WNT7A: variants seen among roughly 807,000 people sequenced by gnomAD.
WNT7A encodes protein Wnt-7a.
Under a neutral mutation model 28.2 loss-of-function variants are expected in WNT7A, and 16 were observed. The ratio of observed to expected loss-of-function variants is 0.57; its 90% CI spans 0.38 to 0.86. The LOEUF is 0.86. Ranked by LOEUF, WNT7A falls within the 40% of genes least tolerant of loss-of-function variation. The probability of loss-of-function intolerance (pLI) is 0.00; values close to 1 mark genes in which losing one functional copy is unlikely to be tolerated. For synonymous variants in WNT7A, 190 were observed against 195.9 expected (o/e 0.97, Z 0.25); for missense variants, 411 against 489.7 (o/e 0.84, Z 1.52).
intron 2 of WNT7A, among the ~76,000 whole-genome samples, chr3:13,872,639 T>G (rs1695043617): frequency 6.6e-6 from 1 of 152,190 alleles, no homozygotes; most frequent in Admixed American, 6.5e-5. Flanking sequence ...AGAATGCCTC[T>G]TGCCACTGGC....
chr3:13,823,955 CTCAGCCT>C (rs1694148956), intron 3 of WNT7A, among the ~76,000 whole-genome samples: 1 of 152,198 alleles, frequency 6.6e-6, no homozygotes, highest in Non-Finnish European at 1.5e-5. Context: ...ATTCTAGCAG[CTCAGCCT>C]CCCCTGTCTT....
chr3:13,843,904 G>T (rs926302745), intron 3 of WNT7A, among the ~76,000 whole-genome samples: 1 of 152,010 alleles, frequency 6.6e-6, no homozygotes, highest in African/African-American at 2.4e-5. Flanking sequence ...CCGCCACCTT[G>T]TCCAGCTAAC....
chr3:13,833,282 G>A (rs780530405), intron 3 of WNT7A, among the ~76,000 whole-genome samples: 2 of 152,028 alleles, frequency 1.3e-5, no homozygotes, highest in Non-Finnish European at 2.9e-5. Flanking sequence ...TCACACACAG[G>A]TGCTTCTCAT....
chr3:13,863,479 G>A (rs1463163024), intron 2 of WNT7A, among the ~76,000 whole-genome samples: 3 of 151,996 alleles, frequency 2.0e-5, no homozygotes, highest in East Asian at 1.9e-4. Context: ...GCGCACGCAC[G>A]CCTGCCTGCC....
intron 3 of WNT7A, among the ~76,000 whole-genome samples, chr3:13,833,572 C>T (rs1390128921): frequency 6.6e-6 from 1 of 152,236 alleles, no homozygotes; most frequent in African/African-American, 2.4e-5. Flanking sequence ...GCAGCCTCTC[C>T]TAGATGCATT....
At chr3:13,828,330 G>A (rs1311630028) in intron 3 of WNT7A, among the ~76,000 whole-genome samples, 1 of 152,198 alleles carries the variant, frequency 6.6e-6, no homozygotes, top group Non-Finnish European at 1.5e-5. Context: ...TAGAGAGGGG[G>A]CAAGGAAGGG....
At chr3:13,836,343 G>C (rs1428900757) in intron 3 of WNT7A, among the ~76,000 whole-genome samples, 1 of 152,168 alleles carries the variant, frequency 6.6e-6, no homozygotes, top group Non-Finnish European at 1.5e-5. Flanking sequence ...GCCTCCAGAT[G>C]GGCACAGCAG....
intron 2 of WNT7A, among the ~76,000 whole-genome samples, chr3:13,857,955 G>A (rs758460394): frequency 1.3e-5 from 2 of 152,174 alleles, no homozygotes; most frequent in African/African-American, 4.8e-5. Flanking sequence ...GGCCCCAAAT[G>A]CTCCAATTAT....
chr3:13,819,343 T>A lies in WNT7A; in HGVS notation c.651A>T (p.Thr217=), dbSNP rs1694073430. 1 of 1,613,186 alleles carries A rather than the reference T, an allele frequency of 6.2e-7. No individual in the cohort carries two copies. The highest frequency in any genetic ancestry group is 8.5e-7 in the Non-Finnish European group (1 of 1,179,508). The change falls in exon 4 of 4, where the codon ACA becomes ACT. Residue 217 remains threonine (T), a synonymous_variant. Transcript: ENST00000285018. ...GSCTTKTCWT[T]LPQFRELGYV... ...AGCCCAGCTCCCGAAACTGTGGCAG[T>A]GTGGTCCAGCACGTCTTGGTGGTGC...
At chr3:13,850,942 G>C (rs1369134873) in intron 3 of WNT7A, among the ~76,000 whole-genome samples, 1 of 151,796 alleles carries the variant, frequency 6.6e-6, no homozygotes, top group Admixed American at 6.6e-5. Context: ...TAGCCCTCCC[G>C]TCCCAGTACC....
At chr3:13,849,393 G>A (rs1694593168) in intron 3 of WNT7A, among the ~76,000 whole-genome samples, 1 of 152,146 alleles carries the variant, frequency 6.6e-6, no homozygotes. Flanking sequence ...ACGTACTTTT[G>A]TTTATCTCAA....
At chr3:13,824,753 A>G (rs1229368689) in intron 3 of WNT7A, among the ~76,000 whole-genome samples, 1 of 152,160 alleles carries the variant, frequency 6.6e-6, no homozygotes, top group Non-Finnish European at 1.5e-5. Context: ...CTTTATCACC[A>G]TGACAGACGA....
intron 2 of WNT7A, among the ~76,000 whole-genome samples, chr3:13,869,503 G>A (rs1471138706): frequency 1.4e-5 from 2 of 148,000 alleles, no homozygotes; most frequent in African/African-American, 5.0e-5. Context: ...GGGAAAGAGA[G>A]AGGAAGGGAG....
chr3:13,855,689 G>C (rs1694717592), intron 2 of WNT7A, among the ~76,000 whole-genome samples: 1 of 152,144 alleles, frequency 6.6e-6, no homozygotes, highest in Non-Finnish European at 1.5e-5. Flanking sequence ...ATGGGTTCAA[G>C]GGCTACGTCT....
chr3:13,872,458 C>A (rs1695040677), intron 2 of WNT7A, among the ~76,000 whole-genome samples: 2 of 152,160 alleles, frequency 1.3e-5, no homozygotes, highest in Non-Finnish European at 2.9e-5. Flanking sequence ...TCCAACGACT[C>A]CCACTCAGAA....
Position 13,824,186 on chromosome 3 carries a change from A to G in WNT7A, c.571-4763T>C, listed in dbSNP as rs1694159313. The stretch of plus-strand genomic sequence containing the variant: ...TCAGAATTGTACCACTATCATTACA[A>G]TCTAATTCTGGAACATTTTAGTCAC... On this transcript the variant is annotated intron_variant, in intron 3 of 3. Transcript: ENST00000285018. Among the ~76,000 whole-genome samples the G allele has an allele frequency of 2.0e-5, 3 of 152,180 alleles. No individual in the cohort carries two copies. In the South Asian group the frequency reaches 6.2e-4, roughly 32 times the overall value.
intron 3 of WNT7A, among the ~76,000 whole-genome samples, chr3:13,826,012 G>A (rs1694188944): frequency 6.6e-6 from 1 of 152,228 alleles, no homozygotes; most frequent in South Asian, 2.1e-4. Context: ...TGTGCAAGCG[G>A]TGCTGCCCGG....
intron 3 of WNT7A, among the ~76,000 whole-genome samples, chr3:13,823,941 C>T (rs1208713343): frequency 1.3e-5 from 2 of 152,178 alleles, no homozygotes; most frequent in East Asian, 1.9e-4. Context: ...TATACAGCCC[C>T]CGGATTCTAG....
rs374914406 is a variant in WNT7A, at chr3:13,862,021, G to A, written c.299-7218C>T. 7.9e-5 allele frequency among the ~76,000 whole-genome samples: 12 copies of A among 152,276 alleles called. No individual in the cohort carries two copies. The South Asian group carries it at 8.3e-4, about 11-fold the overall frequency. Reference sequence around the variant, plus strand: ...TCAGAACTCAGATAAGACAAAACCCGTCAGTCCCTCCTGTCTACTTCTCAT... The same window carrying A: ...TCAGAACTCAGATAAGACAAAACCCATCAGTCCCTCCTGTCTACTTCTCAT... On this transcript the variant is annotated intron_variant, in intron 2 of 3. Transcript: ENST00000285018.
Sources: gnomAD v4.1 joint callset for allele counts (sites outside exome capture counted in the v4.1 genomes callset) on GRCh38, gnomAD v4.1.1 for gene constraint, MANE v1.5 for transcripts, NCBI Gene and HGNC (gene_info 2026-07-23, HGNC 2026-07-21) for gene names.